Variants in GNAZ observed in about 807,000 individuals in gnomAD.
GNAZ encodes the protein G protein subunit alpha z, also known as guanine nucleotide-binding protein G(z) subunit alpha.
In GNAZ, 3 loss-of-function variants were observed where a neutral mutation model predicts 25.4. That is an observed-to-expected ratio of 0.12 (90% CI 0.05 to 0.30). The LOEUF is 0.30. Among genes scored for constraint, GNAZ ranks in the 10% least tolerant of loss-of-function variants. GNAZ has a pLI of 1.00. For missense variants in GNAZ, 241 were observed against 501.8 expected, an observed-to-expected ratio of 0.48 and a Z score of 4.97; for synonymous variants, 211 against 205.7, an observed-to-expected ratio of 1.03 and a Z score of -0.22.
intron 2 of GNAZ, among the ~76,000 whole-genome samples, chr22:23,118,452 T>C (rs1453893449): frequency 6.6e-6 from 1 of 152,188 alleles, no homozygotes; most frequent in East Asian, 1.9e-4. Context: ...TGGTGGTGTG[T>C]TTCTGCCTCC....
intron 2 of GNAZ, among the ~76,000 whole-genome samples, chr22:23,115,460 T>C (rs911239976): frequency 1.3e-5 from 2 of 152,146 alleles, no homozygotes; most frequent in African/African-American, 4.8e-5. Flanking sequence ...CCCTGAGGAC[T>C]GCCTACCTGC....
chr22:23,080,598 C>G (rs1452031302), intron 1 of GNAZ, among the ~76,000 whole-genome samples: 2 of 152,196 alleles, frequency 1.3e-5, no homozygotes, highest in African/African-American at 4.8e-5. Context: ...GTGCAAGGCC[C>G]ATCAGGCAGG....
chr22:23,123,150 A>G lies in GNAZ; in HGVS notation c.787A>G (p.Thr263Ala). 1.9e-6 allele frequency: 3 copies of G among 1,613,882 alleles called. No homozygotes were observed. The highest frequency in any genetic ancestry group is 1.1e-5 in the South Asian group (1 of 91,082). Residue 263 changes from threonine to alanine, a missense_variant, in exon 3 of 3, where the codon ACC (threonine) becomes GCC (alanine). Transcript: ENST00000615612. ...SICNNNWFINTSLILFLNKKD... is the reference protein window; with the variant it reads ...SICNNNWFINASLILFLNKKD... ...CTGCAACAACAACTGGTTCATCAAC[A>G]CCTCACTCATCCTCTTCCTGAACAA...
chr22:23,097,948 C>T (rs1049425524), intron 2 of GNAZ, among the ~76,000 whole-genome samples: 2 of 152,248 alleles, frequency 1.3e-5, no homozygotes, highest in African/African-American at 4.8e-5. Context: ...TTTGACAGGC[C>T]GTGCCCACAG....
chr22:23,095,987 C>T lies in GNAZ; in HGVS notation c.292C>T (p.Pro98Ser). The T allele has an allele frequency of 1.2e-6, 2 of 1,609,986 alleles. No homozygotes were observed. Among genetic ancestry groups the T allele is most frequent in the Admixed American group, 1.7e-5 (1 of 60,036 alleles). Reference sequence around the variant, plus strand: ...CGCCCTCAGGATCGACTTCCACAACCCCGACCGCGCCTACGACGCTGTGCA... The same window carrying T: ...CGCCCTCAGGATCGACTTCCACAACTCCGACCGCGCCTACGACGCTGTGCA... ...LAALRIDFHN[P>S]DRAYDAVQLF... Residue 98 changes from proline (P) to serine (S), a missense_variant, in exon 2 of 3, where the codon CCC (proline) becomes TCC (serine). Coordinates refer to ENST00000615612, the MANE Select transcript of GNAZ (RefSeq NM_002073.4).
intron 1 of GNAZ, among the ~76,000 whole-genome samples, chr22:23,076,557 C>T (rs562361069): frequency 6.6e-6 from 1 of 152,316 alleles, no homozygotes; most frequent in South Asian, 2.1e-4. Flanking sequence ...TGGATGCTAC[C>T]AGCTGGGCCC....
intron 2 of GNAZ, among the ~76,000 whole-genome samples, chr22:23,104,848 A>G (rs1353083713): frequency 6.6e-6 from 1 of 152,160 alleles, no homozygotes; most frequent in Non-Finnish European, 1.5e-5. Context: ...GGCTCAGTCT[A>G]GTTTCTGGAG....
chr22:23,091,106 G>A lies in GNAZ; in HGVS notation c.-449-4141G>A, dbSNP rs2068959094. On this transcript the variant is annotated intron_variant, in intron 1 of 2. Transcript: ENST00000615612. ...CACATGCACCAGTACACATGCAGCT[G>A]CACACACGCACAACCACATGCAGAC... 4.6e-5 allele frequency among the ~76,000 whole-genome samples: 7 copies of A among 152,318 alleles called. No homozygotes were observed. The South Asian group carries it at 1.4e-3, about 32-fold the overall frequency.
At chr22:23,115,932 G>T (rs1261543476) in intron 2 of GNAZ, among the ~76,000 whole-genome samples, 1 of 152,256 alleles carries the variant, frequency 6.6e-6, no homozygotes, top group Non-Finnish European at 1.5e-5. Flanking sequence ...TGGGCCCTGT[G>T]TGAAGATGAC....
chr22:23,075,632 G>C (rs2146253866), intron 1 of GNAZ, among the ~76,000 whole-genome samples: 1 of 152,344 alleles, frequency 6.6e-6, no homozygotes, highest in Non-Finnish European at 1.5e-5. Flanking sequence ...AAGCGAGACT[G>C]TTAAAAGCCA....
intron 1 of GNAZ, among the ~76,000 whole-genome samples, chr22:23,079,243 T>C (rs1489174948): frequency 1.3e-5 from 2 of 152,216 alleles, no homozygotes; most frequent in African/African-American, 4.8e-5. Context: ...TGTGTGCGAA[T>C]ATGGGGGTCA....
At chr22:23,110,508 A>C (rs2069614284) in intron 2 of GNAZ, among the ~76,000 whole-genome samples, 1 of 152,180 alleles carries the variant, frequency 6.6e-6, no homozygotes, top group African/African-American at 2.4e-5. Flanking sequence ...GGGCACAGCA[A>C]GGCAGGTCCT....
intron 1 of GNAZ, among the ~76,000 whole-genome samples, chr22:23,089,221 G>A (rs924164310): frequency 6.6e-6 from 1 of 152,198 alleles, no homozygotes; most frequent in East Asian, 1.9e-4. Flanking sequence ...GGCTTAGCCG[G>A]CTTGGGCAGT....
chr22:23,082,242 A>C (rs1273011164), intron 1 of GNAZ, among the ~76,000 whole-genome samples: 1 of 150,454 alleles, frequency 6.6e-6, no homozygotes, highest in Non-Finnish European at 1.5e-5. Flanking sequence ...ATTTGTTTTG[A>C]GTCTCGCCCT....
intron 2 of GNAZ, among the ~76,000 whole-genome samples, chr22:23,116,178 G>A (rs1422663567): frequency 2.0e-5 from 3 of 152,260 alleles, no homozygotes; most frequent in African/African-American, 4.8e-5. Flanking sequence ...CTCACTGAGG[G>A]GCACAGGGCA....
intron 2 of GNAZ, among the ~76,000 whole-genome samples, chr22:23,121,513 C>T (rs2070023396): frequency 6.6e-6 from 1 of 152,178 alleles, no homozygotes; most frequent in Non-Finnish European, 1.5e-5. Flanking sequence ...TATCCTGCCT[C>T]TCTGTGCCTC....
intron 2 of GNAZ, among the ~76,000 whole-genome samples, chr22:23,110,172 G>A (rs776935933): frequency 2.0e-5 from 3 of 152,162 alleles, no homozygotes; most frequent in Non-Finnish European, 4.4e-5. Flanking sequence ...GCTTTCCTTG[G>A]GGCAAGGGTA....
At chr22:23,084,260 T>G (rs2068756933) in intron 1 of GNAZ, among the ~76,000 whole-genome samples, 1 of 152,158 alleles carries the variant, frequency 6.6e-6, no homozygotes, top group South Asian at 2.1e-4. Flanking sequence ...AAACATTGAG[T>G]AGAAGCCTTA....
At position 23,096,528 on chromosome 22, in the gene GNAZ, G is replaced by A. The variant is rs780746966; in HGVS notation, c.723+110G>A. ...TCTGCAGCCAGAAAGGGAACCAGGC[G>A]CAGGCCTGGCCCTGCTGCACGATAA... is the stretch of plus-strand genomic sequence containing the variant. On this transcript the variant is annotated intron_variant, in intron 2 of 2. Transcript: ENST00000615612. 117 of 1,155,644 alleles carry A rather than the reference G, an allele frequency of 1.0e-4. No homozygotes were observed. The East Asian group carries it at 1.1e-3, about 11-fold the overall frequency. 71.6% of individuals were successfully genotyped at this position (1,155,644 alleles called of 1,614,324 possible). A position where few individuals can be genotyped will look rare whatever the true frequency, so the allele number is the denominator to read the frequency against.
Sources: allele counts gnomAD v4.1 joint callset (sites outside exome capture counted in the v4.1 genomes callset), GRCh38; gene constraint gnomAD v4.1.1; transcripts MANE v1.5; gene names NCBI Gene and HGNC (gene_info 2026-07-23, HGNC 2026-07-21).